DLG2: variants seen among roughly 807,000 people sequenced by gnomAD.
DLG2 encodes the protein disks large homolog 2.
DLG2 carries 45 observed loss-of-function variants against 132.5 expected under a neutral mutation model. The ratio of observed to expected loss-of-function variants is 0.34; its 90% confidence interval spans 0.27 to 0.44. DLG2 has a LOEUF of 0.44. Among genes scored for constraint, DLG2 ranks in the 20% least tolerant of loss-of-function variants. The pLI is 1.00. For missense variants in DLG2, 1,045 were observed against 1,196.9 expected, an observed-to-expected ratio of 0.87 and a Z score of 1.87; for synonymous variants, 424 against 419.6, an observed-to-expected ratio of 1.01 and a Z score of -0.13.
intron 5 of DLG2, among the ~76,000 whole-genome samples, chr11:85,134,528 CAAAAAAAAAAAAAAAA>C (rs58266385): frequency 5.7e-5 from 2 of 34,948 alleles, no homozygotes; most frequent in Non-Finnish European, 1.2e-4. Context: ...GACTCCGTCT[CAAAAAAAAAAAAAAAA>C]AAAAAAAAAG....
intron 3 of DLG2, among the ~76,000 whole-genome samples, chr11:85,482,380 A>T (rs2093318887): frequency 6.6e-6 from 1 of 152,160 alleles, no homozygotes; most frequent in African/African-American, 2.4e-5. Context: ...TCCCAGTGCA[A>T]GGCCAGTCCC....
intron 19 of DLG2, among the ~76,000 whole-genome samples, chr11:83,626,939 A>C (rs1056814061): frequency 3.3e-5 from 5 of 152,116 alleles, no homozygotes; most frequent in Non-Finnish European, 5.9e-5. Context: ...GCAAAAATCT[A>C]AAAGTCATCA....
chr11:84,027,395 G>A (rs1328153188), intron 11 of DLG2, among the ~76,000 whole-genome samples: 1 of 151,958 alleles, frequency 6.6e-6, no homozygotes, highest in Non-Finnish European at 1.5e-5. Context: ...AATTGATAGT[G>A]AAGACAAAGG....
At chr11:84,452,060 A>G (rs2099053062) in intron 7 of DLG2, among the ~76,000 whole-genome samples, 1 of 151,738 alleles carries the variant, frequency 6.6e-6, no homozygotes, top group East Asian at 1.9e-4. Context: ...GGTCATTTTC[A>G]TCTTCAAGTA....
At chr11:85,514,444 A>G (rs2094136159) in intron 3 of DLG2, among the ~76,000 whole-genome samples, 1 of 151,948 alleles carries the variant, frequency 6.6e-6, no homozygotes, top group Non-Finnish European at 1.5e-5. Flanking sequence ...TTTTCAATAC[A>G]ATTCAACTTT....
chr11:84,195,602 T>C (rs1376749705), intron 8 of DLG2, among the ~76,000 whole-genome samples: 1 of 152,224 alleles, frequency 6.6e-6, no homozygotes, highest in South Asian at 2.1e-4. Context: ...TTGCCACTTA[T>C]ATTAGTTCCT....
chr11:85,200,560 C>A, intron 4 of DLG2, among the ~76,000 whole-genome samples: 1 of 152,160 alleles, frequency 6.6e-6, no homozygotes, highest in Admixed American at 6.5e-5. Context: ...GGAGAACTAC[C>A]CCATCTATGC....
At chr11:85,048,533 C>T (rs563557075) in intron 6 of DLG2, among the ~76,000 whole-genome samples, 51 of 151,948 alleles carry the variant, frequency 3.4e-4, no homozygotes, top group Non-Finnish European at 6.2e-4. Context: ...GAGAAATAAC[C>T]TTTAGACTTC....
rs182849817 is a variant in DLG2 at position 84,008,227 on chromosome 11, C to A, written c.920-27585G>T. Among the ~76,000 whole-genome samples the A allele has an allele frequency of 4.6e-5, 7 of 151,934 alleles. No individual in the cohort carries two copies. The East Asian group carries it at 1.4e-3, about 29-fold the overall frequency. ...ACAAATTACAGATCTGGGTATAAAA[C>A]CCTATACTCTTGTATCATCTTCTTA... is the stretch of plus-strand genomic sequence containing the variant. On this transcript the variant is annotated intron_variant, in intron 11 of 27. Coordinates refer to ENST00000376104, the MANE Select transcript of DLG2 (RefSeq NM_001142699.3).
At chr11:85,583,768 C>T (rs1442563540) in intron 3 of DLG2, among the ~76,000 whole-genome samples, 1 of 152,094 alleles carries the variant, frequency 6.6e-6, no homozygotes, top group Non-Finnish European at 1.5e-5. Flanking sequence ...TTTGGTTGGT[C>T]CTTTTAGTCA....
chr11:85,054,855 A>C (rs1238301108), intron 6 of DLG2, among the ~76,000 whole-genome samples: 1 of 152,146 alleles, frequency 6.6e-6, no homozygotes, highest in Non-Finnish European at 1.5e-5. Flanking sequence ...GACACTGAGG[A>C]CTACTAGACA....
At chr11:83,662,022 G>A (rs1226398363) in intron 18 of DLG2, among the ~76,000 whole-genome samples, 9 of 152,092 alleles carry the variant, frequency 5.9e-5, no homozygotes, top group Non-Finnish European at 1.3e-4. Flanking sequence ...ATATACACAT[G>A]TATTGAAAAA....
intron 16 of DLG2, among the ~76,000 whole-genome samples, chr11:83,839,726 C>T (rs935038208): frequency 3.3e-5 from 5 of 152,282 alleles, no homozygotes; most frequent in South Asian, 2.1e-4. Flanking sequence ...AAAGGGATTA[C>T]GATATATTAC....
At chr11:85,537,303 C>A (rs1215026407) in intron 3 of DLG2, among the ~76,000 whole-genome samples, 1 of 152,202 alleles carries the variant, frequency 6.6e-6, no homozygotes, top group Non-Finnish European at 1.5e-5. Context: ...CGACCAGAGC[C>A]AGCAGGGGCA....
chr11:83,966,052 A>T (rs1179693900), intron 12 of DLG2, among the ~76,000 whole-genome samples: 1 of 152,002 alleles, frequency 6.6e-6, no homozygotes, highest in Non-Finnish European at 1.5e-5. Context: ...CTAATTTTTT[A>T]AAACTATAAA....
chr11:84,140,967 ACTT>A (rs1740696722), intron 9 of DLG2, among the ~76,000 whole-genome samples: 1 of 152,172 alleles, frequency 6.6e-6, no homozygotes, highest in Admixed American at 6.6e-5. Context: ...AAATGTGTTA[ACTT>A]CTTTGAACCA....
chr11:84,244,583 T>C (rs529622965), intron 8 of DLG2, among the ~76,000 whole-genome samples: 3 of 152,324 alleles, frequency 2.0e-5, no homozygotes, highest in Non-Finnish European at 4.4e-5. Flanking sequence ...AGAGCAAATA[T>C]TGACAGCTTT....
intron 6 of DLG2, among the ~76,000 whole-genome samples, chr11:85,027,667 C>T (rs1446277856): frequency 6.6e-6 from 1 of 152,226 alleles, no homozygotes; most frequent in Admixed American, 6.5e-5. Flanking sequence ...GCACAAGTGC[C>T]AGCTTCATGC....
rs368473074 is a variant in DLG2 at position 85,102,370 on chromosome 11, C to T, written c.357+9291G>A. 7.9e-5 allele frequency among the ~76,000 whole-genome samples: 12 copies of T among 152,106 alleles called. No homozygotes were observed. In the East Asian group the frequency reaches 1.4e-3, roughly 17 times the overall value. On this transcript the variant is annotated intron_variant, in intron 6 of 27. Coordinates refer to ENST00000376104, the MANE Select transcript of DLG2 (RefSeq NM_001142699.3). ...AAAGTCTGTGAAAGTATTTTAAACACTTGCAAGAAATAAGCAACTCAGAAT... is the reference window on the plus strand; with the variant it reads ...AAAGTCTGTGAAAGTATTTTAAACATTTGCAAGAAATAAGCAACTCAGAAT...
Sources: allele counts gnomAD v4.1 joint callset (sites outside exome capture counted in the v4.1 genomes callset), GRCh38; gene constraint gnomAD v4.1.1; transcripts MANE v1.5; gene names NCBI Gene and HGNC (gene_info 2026-07-23, HGNC 2026-07-21).